PRH1: variants seen among roughly 807,000 people sequenced by gnomAD.
PRH1 encodes the protein proline rich protein HaeIII subfamily 1.
A neutral mutation model predicts 7.9 loss-of-function variants in PRH1; 7 were observed. That is an observed-to-expected ratio of 0.89 (90% CI 0.50 to 1.67). The LOEUF (loss-of-function observed/expected upper bound fraction) is 1.67. PRH1 is among the 40% of genes most tolerant of loss of function. PRH1 has a pLI of 0.00. For synonymous variants in PRH1, 45 were observed against 80.8 expected (o/e 0.56, Z 2.38); for missense variants, 109 against 223.6 (o/e 0.49, Z 3.27).
At chr12:11,091,585 T>C (rs1291288180) in intron 1 of PRH1, 1 of 1,342,212 alleles carries the variant, frequency 7.5e-7, no homozygotes, top group Non-Finnish European at 1.1e-6. Flanking sequence ...GATCTTGAGA[T>C]CCTTTACCAT....
intron 2 of PRH1, among the ~76,000 whole-genome samples, chr12:10,923,630 A>G (rs1407220734): frequency 6.6e-6 from 1 of 152,234 alleles, no homozygotes; most frequent in Non-Finnish European, 1.5e-5. Context: ...TGTGGCACAA[A>G]TTGTCCAAGG....
At chr12:10,909,220 T>C in intron 2 of PRH1, 2 of 1,613,706 alleles carry the variant, frequency 1.2e-6, no homozygotes, top group Non-Finnish European at 1.7e-6. Flanking sequence ...ATCAGTACTA[T>C]AAATCCATTG....
At chr12:10,896,033 A>G (rs1316100711) in intron 2 of PRH1, among the ~76,000 whole-genome samples, 1 of 152,190 alleles carries the variant, frequency 6.6e-6, no homozygotes, top group Non-Finnish European at 1.5e-5. Context: ...TGTGTTCTAA[A>G]ATTAGATTTC....
intron 2 of PRH1, among the ~76,000 whole-genome samples, chr12:10,957,892 ACT>A (rs1001493565): frequency 2.0e-5 from 3 of 152,186 alleles, no homozygotes; most frequent in African/African-American, 7.2e-5. Flanking sequence ...AATAGCTATT[ACT>A]AAAACCCCCA....
intron 1 of PRH1, among the ~76,000 whole-genome samples, chr12:11,007,604 C>CA (rs1484051569): frequency 2.0e-5 from 3 of 152,132 alleles, no homozygotes; most frequent in African/African-American, 7.2e-5. Context: ...CTGCCATAGG[C>CA]AGGGTGACTA....
At chr12:10,959,179 T>A (rs1222362624) in intron 2 of PRH1, among the ~76,000 whole-genome samples, 1 of 152,112 alleles carries the variant, frequency 6.6e-6, no homozygotes, top group Admixed American at 6.6e-5. Context: ...TTTTTTAGTC[T>A]AAGCATCTGA....
chr12:10,997,567 G>A (rs370204127), intron 1 of PRH1: 9 of 1,613,932 alleles, frequency 5.6e-6, no homozygotes, highest in African/African-American at 1.3e-5. Flanking sequence ...AATAAAATAT[G>A]CTGAGGCTAG....
chr12:11,132,250 C>T (rs1306726585), intron 1 of PRH1, among the ~76,000 whole-genome samples: 2 of 152,248 alleles, frequency 1.3e-5, no homozygotes, highest in East Asian at 1.9e-4. Flanking sequence ...ATAATTAATA[C>T]ATAGATTTCA....
chr12:11,157,471 T>C lies in PRH1; in HGVS notation n.39+13951A>G, dbSNP rs572477994. On this transcript the variant is annotated intron_variant and non_coding_transcript_variant, in intron 1 of 1. Transcript: ENST00000541175. ...TGAGGGCTTATTTCTGTTTGGTTCA[T>C]TGACTTTTAAAGCCTCTCTTTTGAA... Among the ~76,000 whole-genome samples, 3 of 152,380 alleles carry C rather than the reference T, an allele frequency of 2.0e-5. No individual in the cohort carries two copies. The East Asian group carries it at 5.8e-4, about 29-fold the overall frequency.
chr12:11,066,107 G>C (rs1943798352), intron 1 of PRH1, among the ~76,000 whole-genome samples: 1 of 148,608 alleles, frequency 6.7e-6, no homozygotes, highest in Non-Finnish European at 1.5e-5. Context: ...GTACATACAA[G>C]TTTATGAAAG....
At chr12:11,036,982 A>G (rs903079694) in intron 1 of PRH1, among the ~76,000 whole-genome samples, 6 of 152,220 alleles carry the variant, frequency 3.9e-5, no homozygotes, top group Admixed American at 1.3e-4. Flanking sequence ...TATGATTCTC[A>G]GCATTAGGCC....
chr12:11,092,913 A>G (rs185078525), intron 1 of PRH1, among the ~76,000 whole-genome samples: 2,767 of 114,856 alleles, frequency 0.024, 778 homozygotes, highest in South Asian at 0.036. Flanking sequence ...GATGAGTTCA[A>G]TGATCTCTTT....
chr12:11,164,152 T>C (rs888417715), intron 1 of PRH1, among the ~76,000 whole-genome samples: 21 of 152,214 alleles, frequency 1.4e-4, no homozygotes, highest in African/African-American at 4.3e-4. Flanking sequence ...TGGGTGCCTC[T>C]GTAAAGGTGT....
chr12:10,992,199 T>G lies in PRH1; in HGVS notation c.-125-18478A>C, dbSNP rs1277706865. Among the ~76,000 whole-genome samples, 4 of 152,056 alleles carry G rather than the reference T, an allele frequency of 2.6e-5. No homozygotes were observed. The East Asian group carries it at 7.7e-4, about 29-fold the overall frequency. ...CAACACTGAAGATTCACCACAAAAATATTCAGGAAATATTCACTTGACCCT... is the reference window on the plus strand; with the variant it reads ...CAACACTGAAGATTCACCACAAAAAGATTCAGGAAATATTCACTTGACCCT... On this transcript the variant is annotated intron_variant, in intron 1 of 3. Coordinates refer to the PRH1 transcript ENST00000539853.
chr12:10,944,947 G>T (rs762915780), intron 2 of PRH1, among the ~76,000 whole-genome samples: 1 of 152,186 alleles, frequency 6.6e-6, no homozygotes, highest in Non-Finnish European at 1.5e-5. Context: ...ATGGGCTTGT[G>T]GATTCAGTTT....
At position 10,992,650 on chromosome 12, in the gene PRH1, T is replaced by G. The variant is rs117382710; in HGVS notation, c.-125-18929A>C. Reference sequence around the variant, plus strand: ...CTGATCTGGAACTCCTGGCCTCAAGTGCTCCTCCCACCTCAGCCTCCCAAA... The same window carrying G: ...CTGATCTGGAACTCCTGGCCTCAAGGGCTCCTCCCACCTCAGCCTCCCAAA... On this transcript the variant is annotated intron_variant, in intron 1 of 3. Coordinates refer to the PRH1 transcript ENST00000539853. 2.6e-3 allele frequency among the ~76,000 whole-genome samples: 401 copies of G among 152,266 alleles called. 9 individuals are homozygous for G. The highest frequency in any genetic ancestry group is 0.02 in the East Asian group (102 of 5,182).
chr12:10,912,597 T>G (rs1949916200), intron 2 of PRH1, among the ~76,000 whole-genome samples: 1 of 152,060 alleles, frequency 6.6e-6, no homozygotes, highest in South Asian at 2.1e-4. Flanking sequence ...TTAATTATTT[T>G]TACTTCCGTT....
intron 1 of PRH1, among the ~76,000 whole-genome samples, chr12:11,020,433 G>A (rs1941560613): frequency 1.4e-5 from 2 of 145,540 alleles, no homozygotes; most frequent in Non-Finnish European, 1.5e-5. Flanking sequence ...TATATATGAT[G>A]TGGAGTTAAC....
At chr12:10,883,285 C>T (rs1183587036) in intron 1 of PRH1, among the ~76,000 whole-genome samples, 189 bp from the exon 2 acceptor site, 5 of 152,134 alleles carry the variant, frequency 3.3e-5, no homozygotes, top group Admixed American at 6.5e-5. Flanking sequence ...CTACACTGAG[C>T]GTCAACCAGG....
Sources: allele counts gnomAD v4.1 joint callset (sites outside exome capture counted in the v4.1 genomes callset), GRCh38; gene constraint gnomAD v4.1.1; transcripts MANE v1.5; gene names NCBI Gene and HGNC (gene_info 2026-07-23, HGNC 2026-07-21).